FER1L6: variants seen among roughly 807,000 people sequenced by gnomAD.
FER1L6 encodes fer-1-like protein 6.
FER1L6 carries 177 observed loss-of-function variants against 219.2 expected under a neutral mutation model. That is an observed-to-expected ratio of 0.81 (90% CI 0.71 to 0.91). FER1L6 has a LOEUF of 0.91. FER1L6 is among the 40% of genes least tolerant of loss of function. FER1L6 has a pLI of 0.00. For synonymous variants in FER1L6, 768 were observed against 824.3 expected, an observed-to-expected ratio of 0.93 and a Z score of 1.17; for missense variants, 2,153 against 2,259.9, an observed-to-expected ratio of 0.95 and a Z score of 0.96.
At chr8:123,910,059 T>C (rs1813025353) in intron 1 of FER1L6, among the ~76,000 whole-genome samples, 1 of 152,226 alleles carries the variant, frequency 6.6e-6, no homozygotes, top group Non-Finnish European at 1.5e-5. Context: ...TCATGGCACC[T>C]GCTGTGGCTT....
intron 25 of FER1L6, among the ~76,000 whole-genome samples, chr8:124,062,972 TTTTGC>T (rs1393480266): frequency 4.6e-5 from 7 of 152,196 alleles, no homozygotes; most frequent in African/African-American, 1.7e-4. Flanking sequence ...TAGATTTTTG[TTTTGC>T]TTTGGTTTGG....
intron 1 of FER1L6, among the ~76,000 whole-genome samples, chr8:123,878,182 C>T (rs942913835): frequency 6.6e-6 from 1 of 152,122 alleles, no homozygotes; most frequent in Non-Finnish European, 1.5e-5. Context: ...CCAGAACAGA[C>T]GCAGGCCAGA....
chr8:123,928,603 G>A (rs1813654716), intron 1 of FER1L6, among the ~76,000 whole-genome samples: 1 of 152,174 alleles, frequency 6.6e-6, no homozygotes, highest in Non-Finnish European at 1.5e-5. Flanking sequence ...ACTGCTCCTG[G>A]CTTTGTAATC....
chr8:123,856,701 G>C (rs1816656437), intron 1 of FER1L6, among the ~76,000 whole-genome samples: 1 of 151,754 alleles, frequency 6.6e-6, no homozygotes, highest in African/African-American at 2.4e-5. Flanking sequence ...TGTCTGCTTG[G>C]ATGAAGAGTA....
chr8:124,091,991 A>G (rs1822054718), intron 34 of FER1L6, among the ~76,000 whole-genome samples: 2 of 148,886 alleles, frequency 1.3e-5, no homozygotes, highest in South Asian at 4.2e-4. Flanking sequence ...AAAAAAAAGT[A>G]ATGCATGCTT....
At chr8:123,904,645 G>A (rs1448777860) in intron 1 of FER1L6, among the ~76,000 whole-genome samples, 1 of 152,176 alleles carries the variant, frequency 6.6e-6, no homozygotes, top group Non-Finnish European at 1.5e-5. Flanking sequence ...TGGAAGTGTT[G>A]AGCAGAGGGT....
At chr8:123,997,570 G>A (rs891798937) in intron 12 of FER1L6, among the ~76,000 whole-genome samples, 13 of 152,106 alleles carry the variant, frequency 8.5e-5, no homozygotes, top group Admixed American at 4.6e-4. Context: ...GAAGCTCTCT[G>A]TTATTATTAT....
chr8:124,117,041 G>A (rs939611602), intron 39 of FER1L6, among the ~76,000 whole-genome samples: 1 of 152,186 alleles, frequency 6.6e-6, no homozygotes, highest in Admixed American at 6.5e-5. Context: ...TCTCATGTTA[G>A]AGCTAGGCAG....
chr8:123,966,074 C>A lies in FER1L6; in HGVS notation c.252+13C>A. 1.2e-6 allele frequency: 2 copies of A among 1,613,524 alleles called. No homozygotes were observed. The highest frequency in any genetic ancestry group is 1.3e-5 in the African/African-American group (1 of 75,024). ...CCAAAATTATCAAGTAAGTGATTGG[C>A]TCTTCCTGCCCAGCCTCCCCCAGTG... On this transcript the variant is annotated intron_variant, in intron 4 of 40. Transcript: ENST00000522917.
intron 1 of FER1L6, among the ~76,000 whole-genome samples, chr8:123,872,207 G>C (rs987695363): frequency 3.9e-5 from 6 of 152,104 alleles, no homozygotes; most frequent in South Asian, 2.1e-4. Flanking sequence ...ATTCGTGAGA[G>C]ATCCGCCCCA....
intron 1 of FER1L6, among the ~76,000 whole-genome samples, chr8:123,894,309 C>A (rs1334719755): frequency 6.6e-6 from 1 of 152,090 alleles, no homozygotes; most frequent in Non-Finnish European, 1.5e-5. Flanking sequence ...CTATATAAAC[C>A]CTTAATTTTA....
chr8:124,093,618 A>G (rs189389843), intron 34 of FER1L6, among the ~76,000 whole-genome samples: 2 of 152,160 alleles, frequency 1.3e-5, no homozygotes, highest in East Asian at 1.9e-4. Flanking sequence ...TCTTTGGTCA[A>G]TATTCTACAT....
At chr8:124,066,250 A>G (rs188515396) in intron 26 of FER1L6, among the ~76,000 whole-genome samples, 178 bp from the exon 27 acceptor site, 1 of 152,210 alleles carries the variant, frequency 6.6e-6, no homozygotes, top group Non-Finnish European at 1.5e-5. Context: ...ATGAATGAAT[A>G]GATTCTTGAA....
chr8:124,036,238 C>T (rs1819201010), intron 19 of FER1L6: 1 of 152,094 alleles, frequency 6.6e-6, no homozygotes, highest in African/African-American at 2.4e-5. Flanking sequence ...GCCCAAGGCT[C>T]CTCTGAGGTT....
In FER1L6 at chr8:124,021,335, T is replaced by G. The variant is rs140617751; in HGVS notation, c.2014-215T>G. ...TGTAGCCTTTCTGGGCTTCAGCTTC[T>G]CATCTGTCAAGCAGAGGTGAGATGA... On this transcript the variant is annotated intron_variant, in intron 16 of 40. Transcript: ENST00000522917. 3.1e-3 allele frequency among the ~76,000 whole-genome samples: 476 copies of G among 152,220 alleles called. 2 individuals carry two copies. The highest frequency in any genetic ancestry group is 0.011 in the African/African-American group (459 of 41,544).
chr8:124,048,538 G>T (rs1343244256), intron 21 of FER1L6, among the ~76,000 whole-genome samples: 4 of 152,180 alleles, frequency 2.6e-5, no homozygotes, highest in African/African-American at 9.7e-5. Flanking sequence ...AGAAACATAT[G>T]GCCTACATAC....
At chr8:124,026,202 G>A (rs1262422997) in intron 18 of FER1L6, among the ~76,000 whole-genome samples, 1 of 152,136 alleles carries the variant, frequency 6.6e-6, no homozygotes, top group African/African-American at 2.4e-5. Flanking sequence ...ATTCCAGTGA[G>A]TAGAAATGAA....
chr8:123,992,771 T>A (rs1249872218), intron 12 of FER1L6, among the ~76,000 whole-genome samples: 4 of 152,232 alleles, frequency 2.6e-5, no homozygotes, highest in Admixed American at 2.0e-4. Flanking sequence ...TTTTTCCTAT[T>A]TTTCTACTTC....
chr8:124,038,405 C>A (rs528685482), intron 19 of FER1L6, among the ~76,000 whole-genome samples: 25 of 152,310 alleles, frequency 1.6e-4, no homozygotes, highest in South Asian at 1.4e-3. Flanking sequence ...TGAGATCCAT[C>A]CATTTTGCCA....
Sources: allele counts gnomAD v4.1 joint callset (sites outside exome capture counted in the v4.1 genomes callset), GRCh38; gene constraint gnomAD v4.1.1; transcripts MANE v1.5; gene names NCBI Gene and HGNC (gene_info 2026-07-23, HGNC 2026-07-21).